Variants in OSBPL10 observed in about 807,000 individuals in gnomAD.
OSBPL10 encodes oxysterol-binding protein-related protein 10.
Under a neutral mutation model 81.7 loss-of-function variants are expected in OSBPL10, and 49 were observed. The ratio of observed to expected loss-of-function variants is 0.60; its 90% CI spans 0.48 to 0.76. The LOEUF is 0.76. Among genes scored for constraint, OSBPL10 ranks in the 30% least tolerant of loss-of-function variants. The pLI is 0.00. For missense variants in OSBPL10, 923 were observed against 987.8 expected (o/e 0.93, Z 0.88); for synonymous variants, 419 against 383.6 (o/e 1.09, Z -1.08).
In OSBPL10 at chr3:31,664,274, C is replaced by G. The variant is rs779071795; in HGVS notation, c.2097-42G>C. ...GAGAGGAAACAATCAGCCAGGCCAG[C>G]TGGCTGCAAGCTAACGGAACTCTGC... is the stretch of plus-strand genomic sequence containing the variant. On this transcript the variant is annotated intron_variant, in intron 10 of 11. Coordinates refer to ENST00000396556, the MANE Select transcript of OSBPL10 (RefSeq NM_017784.5). The G allele has an allele frequency of 3.2e-5, 52 of 1,602,050 alleles. 1 individual carries two copies. The East Asian group carries it at 7.1e-4, about 22-fold the overall frequency.
At chr3:31,884,768 GCAAAT>G (rs1322098441) in intron 1 of OSBPL10, among the ~76,000 whole-genome samples, 2 of 152,126 alleles carry the variant, frequency 1.3e-5, no homozygotes, top group African/African-American at 4.8e-5. Context: ...ACAGAATAAG[GCAAAT>G]CTAATTCCTA....
intron 2 of OSBPL10, among the ~76,000 whole-genome samples, chr3:32,005,828 C>T (rs564082855): frequency 4.5e-4 from 68 of 152,192 alleles, no homozygotes; most frequent in African/African-American, 1.4e-3. Context: ...CCTCGTGATC[C>T]GCCCACCTCA....
intron 6 of OSBPL10, among the ~76,000 whole-genome samples, chr3:31,715,496 C>T (rs551917323): frequency 5.9e-5 from 9 of 152,280 alleles, no homozygotes; most frequent in African/African-American, 1.7e-4. Context: ...ATCACTCGAA[C>T]GTTACTGCCA....
chr3:31,783,566 A>G (rs1242030869), intron 4 of OSBPL10, among the ~76,000 whole-genome samples: 1 of 151,120 alleles, frequency 6.6e-6, no homozygotes. Flanking sequence ...TGAGGCGGGC[A>G]GATCACTTGA....
At chr3:31,838,533 A>G (rs901604613) in intron 3 of OSBPL10, among the ~76,000 whole-genome samples, 1 of 147,450 alleles carries the variant, frequency 6.8e-6, no homozygotes, top group East Asian at 2.1e-4. Context: ...AAAAAAAAAA[A>G]AAAACCTCAT....
chr3:31,732,797 G>A (rs1697019940), intron 6 of OSBPL10: 1 of 199,578 alleles, frequency 5.0e-6, no homozygotes, highest in Non-Finnish European at 1.0e-5. Flanking sequence ...ATGCCCAAGA[G>A]GAGTGTTGGC....
chr3:31,965,690 A>AATATAT (rs1698350062), intron 1 of OSBPL10, among the ~76,000 whole-genome samples: 1 of 34,412 alleles, frequency 2.9e-5, no homozygotes, highest in Non-Finnish European at 4.0e-5. Context: ...ATATTATATA[A>AATATAT]AATATATAAT....
intron 6 of OSBPL10, 149 bp from the exon 7 acceptor site, chr3:31,702,657 G>A: frequency 9.4e-7 from 1 of 1,060,404 alleles, no homozygotes; most frequent in Non-Finnish European, 1.3e-6. Context: ...TGGCCACGGG[G>A]CAGACAAGTC....
chr3:31,898,400 G>C (rs1696128028), intron 1 of OSBPL10, among the ~76,000 whole-genome samples: 1 of 152,066 alleles, frequency 6.6e-6, no homozygotes, highest in Non-Finnish European at 1.5e-5. Flanking sequence ...ATACAACTGT[G>C]ATTTGTCCAT....
intron 4 of OSBPL10, among the ~76,000 whole-genome samples, chr3:31,766,328 TGTTTTTTTG>T (rs144462268): frequency 0.57 from 71,322 of 124,908 alleles, 23,680 homozygotes; most frequent in East Asian, 0.76. Context: ...GTAGTTTTTT[TGTTTTTTTG>T]TTTTTTTTTG....
intron 3 of OSBPL10, among the ~76,000 whole-genome samples, chr3:31,859,992 T>A (rs1701019406): frequency 5.3e-5 from 8 of 152,234 alleles, no homozygotes; most frequent in Admixed American, 4.6e-4. Flanking sequence ...CAATAACAGT[T>A]CCATTTGGGC....
At chr3:31,945,541 C>T (rs963512427) in intron 1 of OSBPL10, among the ~76,000 whole-genome samples, 1 of 152,192 alleles carries the variant, frequency 6.6e-6, no homozygotes, top group African/African-American at 2.4e-5. Context: ...CAGCTTCTCA[C>T]ACAAATCTAC....
At chr3:32,028,169 G>A (rs967577460) in intron 2 of OSBPL10, among the ~76,000 whole-genome samples, 2 of 152,192 alleles carry the variant, frequency 1.3e-5, no homozygotes, top group Admixed American at 6.5e-5. Flanking sequence ...ATACACATGT[G>A]CATACTCATA....
chr3:32,008,203 C>T (rs1302978104), intron 2 of OSBPL10, among the ~76,000 whole-genome samples: 17 of 146,408 alleles, frequency 1.2e-4, no homozygotes, highest in East Asian at 1.0e-3. Context: ...AGACAAGTCT[C>T]GCCGTGTTGC....
intron 3 of OSBPL10, among the ~76,000 whole-genome samples, chr3:31,841,778 C>G (rs1700504736): frequency 1.3e-5 from 2 of 152,202 alleles, no homozygotes; most frequent in Non-Finnish European, 2.9e-5. Context: ...GGTATTTAGT[C>G]CCTACTGTAT....
intron 1 of OSBPL10, among the ~76,000 whole-genome samples, chr3:31,967,089 A>G (rs1698424113): frequency 6.6e-6 from 1 of 152,106 alleles, no homozygotes; most frequent in African/African-American, 2.4e-5. Context: ...CTGAGCATAA[A>G]TAACATGTTC....
upstream of OSBPL10, among the ~76,000 whole-genome samples, chr3:31,983,110 CA>C (rs1698881983): frequency 1.3e-5 from 2 of 152,182 alleles, no homozygotes; most frequent in Admixed American, 1.3e-4. Context: ...GTAACATGCA[CA>C]AAATGTTTGT....
At chr3:31,876,573 T>G in intron 2 of OSBPL10, 61 bp from the exon 3 acceptor site, 1 of 1,410,550 alleles carries the variant, frequency 7.1e-7, no homozygotes, top group South Asian at 1.2e-5. Flanking sequence ...CACATCCAAC[T>G]TATTTCTACA....
At chr3:32,014,973 C>T (rs915435041) in intron 2 of OSBPL10, among the ~76,000 whole-genome samples, 44 of 152,106 alleles carry the variant, frequency 2.9e-4, no homozygotes, top group African/African-American at 1.0e-3. Flanking sequence ...AGAACATTTC[C>T]TGCTCATGGA....
Sources: allele counts gnomAD v4.1 joint callset (sites outside exome capture counted in the v4.1 genomes callset), GRCh38; gene constraint gnomAD v4.1.1; transcripts MANE v1.5; gene names NCBI Gene and HGNC (gene_info 2026-07-23, HGNC 2026-07-21).